PTH2R: variants seen among roughly 807,000 people sequenced by gnomAD.
The protein encoded by PTH2R is PTH2 receptor.
Under a neutral mutation model 60.3 loss-of-function variants are expected in PTH2R, and 59 were observed. The ratio of observed to expected loss-of-function variants is 0.98; its 90% confidence interval spans 0.79 to 1.22. PTH2R has a LOEUF of 1.22. PTH2R is among the 50% of genes most tolerant of loss of function. The pLI is 0.00. For synonymous variants in PTH2R, 256 were observed against 243.8 expected (o/e 1.05, Z -0.47); for missense variants, 749 against 682.6 (o/e 1.10, Z -1.08).
chr2:208,404,231 C>T (rs1271465287), upstream of PTH2R, among the ~76,000 whole-genome samples: 1 of 152,144 alleles, frequency 6.6e-6, no homozygotes, highest in Non-Finnish European at 1.5e-5. Flanking sequence ...AAAGACAGAA[C>T]ATTGGTAATT....
At chr2:208,377,632 C>T (rs1466364934) in intron 1 of PTH2R, among the ~76,000 whole-genome samples, 2 of 151,296 alleles carry the variant, frequency 1.3e-5, no homozygotes, top group Non-Finnish European at 2.9e-5. Flanking sequence ...GGCTGCTGGG[C>T]AGAGGGGCTC....
intron 8 of PTH2R, among the ~76,000 whole-genome samples, chr2:208,451,334 A>G (rs1456733261): frequency 6.6e-6 from 1 of 152,172 alleles, no homozygotes; most frequent in Admixed American, 6.5e-5. Context: ...TACACTGGCT[A>G]CATTTGTAGC....
chr2:208,426,928 G>A (rs953592514), intron 1 of PTH2R, among the ~76,000 whole-genome samples: 1 of 152,100 alleles, frequency 6.6e-6, no homozygotes, highest in Non-Finnish European at 1.5e-5. Context: ...ACTTGCTCCC[G>A]GCTAAACTGA....
chr2:208,369,255 G>A (rs1700648432), intron 1 of PTH2R, among the ~76,000 whole-genome samples: 1 of 152,028 alleles, frequency 6.6e-6, no homozygotes, highest in South Asian at 2.1e-4. Context: ...AAGTGAAGAT[G>A]TGCAGATGCC....
intron 4 of PTH2R, among the ~76,000 whole-genome samples, chr2:208,441,114 G>A (rs1435161146): frequency 6.6e-6 from 1 of 152,218 alleles, no homozygotes; most frequent in Non-Finnish European, 1.5e-5. Flanking sequence ...CTGAACTTCT[G>A]AGTAACCACC....
chr2:208,426,925 C>T (rs1701868461), intron 1 of PTH2R, among the ~76,000 whole-genome samples: 1 of 152,176 alleles, frequency 6.6e-6, no homozygotes, highest in Non-Finnish European at 1.5e-5. Flanking sequence ...CATACTTGCT[C>T]CCGGCTAAAC....
At chr2:208,364,669 T>C (rs565787601) in intron 1 of PTH2R, among the ~76,000 whole-genome samples, 1 of 152,318 alleles carries the variant, frequency 6.6e-6, no homozygotes, top group East Asian at 1.9e-4. Flanking sequence ...TGAGATTCCA[T>C]ATCAATTTTA....
At chr2:208,443,326 T>A (rs1437695730) in intron 5 of PTH2R, 22 bp from the exon 6 acceptor site, 4 of 1,486,420 alleles carry the variant, frequency 2.7e-6, no homozygotes, top group Non-Finnish European at 3.6e-6. Flanking sequence ...CAAATTTAAA[T>A]ACTGAATATT....
At chr2:208,419,079 T>C (rs4673407) in intron 1 of PTH2R, among the ~76,000 whole-genome samples, 2 of 152,184 alleles carry the variant, frequency 1.3e-5, no homozygotes, top group Admixed American at 1.3e-4. Context: ...AGTTCTAGAT[T>C]CCTGAGCAAT....
chr2:208,404,828 A>G (rs1701372105), upstream of PTH2R, among the ~76,000 whole-genome samples: 1 of 152,084 alleles, frequency 6.6e-6, no homozygotes, highest in African/African-American at 2.4e-5. Flanking sequence ...TCCAGTGAGA[A>G]AGCCCTCAGG....
At chr2:208,421,187 A>G (rs1293884756) in intron 1 of PTH2R, among the ~76,000 whole-genome samples, 1 of 152,218 alleles carries the variant, frequency 6.6e-6, no homozygotes, top group African/African-American at 2.4e-5. Flanking sequence ...TACCACAGAT[A>G]GATACAAGTT....
In PTH2R at chr2:208,493,350, C is replaced by T. The variant is rs146032466; in HGVS notation, c.1344C>T (p.Cys448=). 2.9e-5 allele frequency: 46 copies of T among 1,581,266 alleles called. No individual in the cohort carries two copies. Among genetic ancestry groups the T allele is most frequent in the African/African-American group, 2.2e-4 (16 of 73,880 alleles). The part of the protein sequence containing the change: ...KRTPPCGSRR[C]GSVLTTVTHS... ...CACCGCCATGTGGCAGCCGCAGATG[C>T]GGCTCAGTGCTCACCACCGTGACGC... Residue 448 remains cysteine (C), a synonymous_variant, in exon 13 of 13, where the codon TGC becomes TGT. Coordinates refer to ENST00000272847, the MANE Select transcript of PTH2R (RefSeq NM_005048.4).
chr2:208,445,381 G>A (rs1467206357), intron 7 of PTH2R, among the ~76,000 whole-genome samples: 1 of 152,128 alleles, frequency 6.6e-6, no homozygotes, highest in Non-Finnish European at 1.5e-5. Flanking sequence ...CTTACCATGT[G>A]TTTTAGAAGG....
chr2:208,449,796 G>C (rs931047374), intron 7 of PTH2R, among the ~76,000 whole-genome samples: 1 of 151,992 alleles, frequency 6.6e-6, no homozygotes, highest in African/African-American at 2.4e-5. Context: ...TTTTTTAAAG[G>C]TTAAGAATTT....
At chr2:208,399,479 T>C (rs1418439164) in intron 1 of PTH2R, among the ~76,000 whole-genome samples, 1 of 152,170 alleles carries the variant, frequency 6.6e-6, no homozygotes, top group Non-Finnish European at 1.5e-5. Context: ...TGTGAATGCC[T>C]ATTTTTGCTT....
chr2:208,419,158 T>G (rs1701701327), intron 1 of PTH2R, among the ~76,000 whole-genome samples: 2 of 152,220 alleles, frequency 1.3e-5, no homozygotes. Context: ...GTGTTCCTAT[T>G]TCTCCACATC....
chr2:208,420,371 A>G lies in PTH2R; in HGVS notation c.76-7830A>G, dbSNP rs1027308453. Among the ~76,000 whole-genome samples, 6 of 152,190 alleles carry G rather than the reference A, an allele frequency of 3.9e-5. No individual in the cohort carries two copies. The South Asian group carries it at 1.2e-3, about 32-fold the overall frequency. ...TCAATTTTGCCTATTTCTTCTCCATAGCAGTGGAAACATTTTACATTCCCA... is the reference window on the plus strand; with the variant it reads ...TCAATTTTGCCTATTTCTTCTCCATGGCAGTGGAAACATTTTACATTCCCA... On this transcript the variant is annotated intron_variant, in intron 1 of 12. Transcript: ENST00000272847.
intron 1 of PTH2R, among the ~76,000 whole-genome samples, chr2:208,365,377 C>G (rs913046745): frequency 1.3e-5 from 2 of 151,414 alleles, no homozygotes; most frequent in Non-Finnish European, 2.9e-5. Flanking sequence ...CTTTTCTTTT[C>G]TTTTTTTGTG....
chr2:208,371,400 TA>T (rs1390870798), intron 1 of PTH2R, among the ~76,000 whole-genome samples: 3 of 152,210 alleles, frequency 2.0e-5, no homozygotes, highest in African/African-American at 7.2e-5. Flanking sequence ...AAATGAGTCT[TA>T]TCAGAACCTT....
Sources: allele counts gnomAD v4.1 joint callset (sites outside exome capture counted in the v4.1 genomes callset), GRCh38; gene constraint gnomAD v4.1.1; transcripts MANE v1.5; gene names NCBI Gene and HGNC (gene_info 2026-07-23, HGNC 2026-07-21).